RGS22: variants seen among roughly 807,000 people sequenced by gnomAD.
RGS22 encodes regulator of G-protein signaling 22.
Under a neutral mutation model 172.9 loss-of-function variants are expected in RGS22, and 148 were observed. The ratio of observed to expected loss-of-function variants is 0.86; its 90% confidence interval spans 0.75 to 0.98. RGS22 has a LOEUF of 0.98. RGS22 is among the 50% of genes least tolerant of loss of function. RGS22 has a pLI of 0.00. For synonymous variants in RGS22, 458 were observed against 480.2 expected (o/e 0.95, Z 0.60); for missense variants, 1,347 against 1,440.8 (o/e 0.93, Z 1.05).
rs1039882361 is a variant in RGS22, at chr8:100,105,623, C to T, written c.26-221G>A. ...GGAATCCTGCCTGGTCACTAATTCA[C>T]TGTGACCCAGGAGTTACCCTTCTTC... On this transcript the variant is annotated intron_variant, in intron 1 of 27. Transcript: ENST00000360863. The T allele has an allele frequency of 1.0e-5, 6 of 600,404 alleles. No individual in the cohort carries two copies. In the Admixed American group the frequency reaches 1.9e-4, roughly 19 times the overall value. 37.2% of individuals were successfully genotyped at this position (600,404 alleles called of 1,614,324 possible).
chr8:100,001,145 A>G (rs3133716), intron 18 of RGS22, among the ~76,000 whole-genome samples: 60,901 of 146,680 alleles, frequency 0.42, 12,995 homozygotes, highest in East Asian at 0.56. Context: ...TAAAAATTGC[A>G]TCATATTTCA....
Position 100,063,756 on chromosome 8 carries a change from C to G in RGS22, c.1012G>C (p.Glu338Gln). 1.9e-6 allele frequency: 3 copies of G among 1,614,090 alleles called. No individual in the cohort carries two copies. The highest frequency in any genetic ancestry group is 2.5e-6 in the Non-Finnish European group (3 of 1,179,994). Reference sequence around the variant, plus strand: ...TTGAAGTTTATATAGTCTGGGGTTTCTCCAACTGGCTTTCCAACAATTTGC... The same window carrying G: ...TTGAAGTTTATATAGTCTGGGGTTTGTCCAACTGGCTTTCCAACAATTTGC... ...IQQIVGKPVGETPDYINFNNI... is the reference protein window; with the variant it reads ...IQQIVGKPVGQTPDYINFNNI... Residue 338 changes from glutamate to glutamine, a missense_variant, in exon 8 of 28, where the codon GAA becomes CAA. Glu to Gln is a conservative substitution (Grantham distance 29). Coordinates refer to ENST00000360863, the MANE Select transcript of RGS22 (RefSeq NM_015668.5).
At chr8:99,974,266 G>A (rs1336841942) in intron 23 of RGS22, among the ~76,000 whole-genome samples, 2 of 152,120 alleles carry the variant, frequency 1.3e-5, no homozygotes, top group Non-Finnish European at 2.9e-5. Flanking sequence ...CCAAAAGTTT[G>A]GTGATGGGCT....
chr8:100,008,183 G>C (rs867527182), intron 15 of RGS22, among the ~76,000 whole-genome samples, 192 bp downstream of exon 15: 1 of 151,672 alleles, frequency 6.6e-6, no homozygotes, highest in East Asian at 1.9e-4. Context: ...GATTACAGGC[G>C]CCCACCACCA....
intron 18 of RGS22, 53 bp from the exon 19 acceptor site, chr8:99,999,473 T>G: frequency 1.3e-6 from 2 of 1,563,722 alleles, no homozygotes; most frequent in Non-Finnish European, 1.7e-6. Flanking sequence ...AAAGAAACAC[T>G]AATAGTCATT....
chr8:100,051,521 T>A (rs13259682), intron 10 of RGS22, among the ~76,000 whole-genome samples: 1 of 103,112 alleles, frequency 9.7e-6, no homozygotes, highest in Non-Finnish European at 1.8e-5. Context: ...AAATATATTT[T>A]TATATATTTA....
At chr8:100,088,168 T>G (rs1038742178) in intron 3 of RGS22, among the ~76,000 whole-genome samples, 2 of 152,102 alleles carry the variant, frequency 1.3e-5, no homozygotes, top group Non-Finnish European at 2.9e-5. Context: ...AAATTATAAC[T>G]GTTTACGGAT....
chr8:100,081,362 G>GTATGTATATA (rs1554636414), intron 3 of RGS22, among the ~76,000 whole-genome samples: 1 of 143,492 alleles, frequency 7.0e-6, no homozygotes, highest in Non-Finnish European at 1.5e-5. Flanking sequence ...GTGCGTGTAT[G>GTATGTATATA]TATATATATA....
chr8:100,025,802 A>T (rs1457392730), intron 14 of RGS22, among the ~76,000 whole-genome samples: 1 of 152,172 alleles, frequency 6.6e-6, no homozygotes, highest in African/African-American at 2.4e-5. Flanking sequence ...CCTGGGTGTT[A>T]CCTCAGACTT....
rs191938034 is a variant in RGS22 at position 99,962,301 on chromosome 8, T to A, written c.*45+93A>T. The A allele has an allele frequency of 1.3e-3, 979 of 777,902 alleles. 3 individuals are homozygous for A. The highest frequency in any genetic ancestry group is 0.011 in the African/African-American group (648 of 57,910). 48.2% of individuals were successfully genotyped at this position (777,902 alleles called of 1,614,324 possible). Reference sequence around the variant, plus strand: ...TTATTAGTGGGACATGTTATATGTGTGGTATGCTGTGTGTGTGCATGCGTG... The same window carrying A: ...TTATTAGTGGGACATGTTATATGTGAGGTATGCTGTGTGTGTGCATGCGTG... On this transcript the variant is annotated intron_variant, in intron 27 of 27. Transcript: ENST00000360863.
At chr8:100,011,752 C>T (rs890686457) in intron 14 of RGS22, among the ~76,000 whole-genome samples, 5 of 152,014 alleles carry the variant, frequency 3.3e-5, no homozygotes, top group African/African-American at 1.2e-4. Flanking sequence ...AGCAAAAACA[C>T]CCTTCCAAAA....
chr8:100,041,040 C>A (rs977570303), intron 12 of RGS22, among the ~76,000 whole-genome samples: 1 of 151,998 alleles, frequency 6.6e-6, no homozygotes. Flanking sequence ...AATAGTTATG[C>A]AAAATTATAG....
intron 3 of RGS22, among the ~76,000 whole-genome samples, chr8:100,086,947 T>C (rs966294760): frequency 2.0e-5 from 3 of 152,146 alleles, no homozygotes; most frequent in Admixed American, 1.3e-4. Context: ...GGTTACTTCA[T>C]GCTGACTCTC....
chr8:99,987,517 G>C lies in RGS22; in HGVS notation c.3121C>G (p.Leu1041Val). The change falls in exon 21 of 28, where the codon CTA becomes GTA. Residue 1041 changes from leucine (L) to valine (V), a missense_variant. Transcript: ENST00000360863. ...CCATTTTCCAATAAATCTCCTTTTAGAGCCACAAAACGTTGAAATTGTCTT... is the reference window on the plus strand; with the variant it reads ...CCATTTTCCAATAAATCTCCTTTTACAGCCACAAAACGTTGAAATTGTCTT... ...TSRQFQRFVA[L>V]KGDLLENGLL... 6.2e-7 allele frequency: 1 copy of C among 1,611,566 alleles called. No individual in the cohort carries two copies. Among genetic ancestry groups the C allele is most frequent in the Non-Finnish European group, 8.5e-7 (1 of 1,178,710 alleles).
At chr8:100,014,524 C>G (rs1816746534) in intron 14 of RGS22, among the ~76,000 whole-genome samples, 1 of 152,186 alleles carries the variant, frequency 6.6e-6, no homozygotes, top group South Asian at 2.1e-4. Context: ...TTTCCTTAAT[C>G]TTCATTCAAC....
chr8:100,073,087 T>C (rs1563701615), intron 4 of RGS22, among the ~76,000 whole-genome samples: 1 of 152,230 alleles, frequency 6.6e-6, no homozygotes, highest in Non-Finnish European at 1.5e-5. Flanking sequence ...TTTTCTTGTA[T>C]TCACTTTTTC....
intron 14 of RGS22, 192 bp downstream of exon 14, chr8:100,038,739 A>G: frequency 5.0e-6 from 2 of 403,150 alleles, no homozygotes; most frequent in Middle Eastern, 3.3e-4. Flanking sequence ...AATAAAAGAC[A>G]TAAAACTGAA....
chr8:100,084,912 T>A (rs186695021), intron 3 of RGS22, among the ~76,000 whole-genome samples: 1 of 152,358 alleles, frequency 6.6e-6, no homozygotes, highest in Admixed American at 6.5e-5. Context: ...CTTGTGTAAA[T>A]GCAAATGCCA....
chr8:99,965,922 A>G (rs1390347995), intron 23 of RGS22, among the ~76,000 whole-genome samples: 1 of 152,170 alleles, frequency 6.6e-6, no homozygotes, highest in Non-Finnish European at 1.5e-5. Context: ...ATTTTTTACC[A>G]TTGTTTATCT....
Sources: gnomAD v4.1 joint callset for allele counts (sites outside exome capture counted in the v4.1 genomes callset) on GRCh38, gnomAD v4.1.1 for gene constraint, MANE v1.5 for transcripts, NCBI Gene and HGNC (gene_info 2026-07-23, HGNC 2026-07-21) for gene names.